Variants in TOR1B observed in about 807,000 individuals in gnomAD.
The protein encoded by TOR1B is torsin-1B.
Under a neutral mutation model 29.2 loss-of-function variants are expected in TOR1B, and 14 were observed. The ratio of observed to expected loss-of-function variants is 0.48; its 90% CI spans 0.32 to 0.75. The LOEUF (loss-of-function observed/expected upper bound fraction) is 0.75. TOR1B is among the 30% of genes least tolerant of loss of function. The probability of loss-of-function intolerance (pLI) is 0.04; values close to 1 mark genes in which losing one functional copy is unlikely to be tolerated. For synonymous variants in TOR1B, 166 were observed against 179.8 expected (o/e 0.92, Z 0.62); for missense variants, 400 against 433.9 (o/e 0.92, Z 0.69).
chr9:129,803,396 C>G lies in TOR1B; in HGVS notation c.184C>G (p.Pro62Ala). ...CGCCGAGTGCTGCCGCGAGGAGCGGCCGCTCAACGCTTCGGGTACGGCGCG... is the reference window on the plus strand; with the variant it reads ...CGCCGAGTGCTGCCGCGAGGAGCGGGCGCTCAACGCTTCGGGTACGGCGCG... ...RFAECCREER[P>A]LNASALKLDL... The change falls in exon 1 of 5, where the codon CCG (proline) becomes GCG (alanine). Residue 62 changes from proline (P) to alanine (A), a missense_variant. By Grantham distance (27) the Pro-to-Ala change is conservative. Coordinates refer to ENST00000259339, the MANE Select transcript of TOR1B (RefSeq NM_014506.3). The G allele has an allele frequency of 6.5e-7, 1 of 1,545,414 alleles. No homozygotes were observed. Among genetic ancestry groups the G allele is most frequent in the Non-Finnish European group, 8.7e-7 (1 of 1,149,514 alleles).
In TOR1B at chr9:129,803,550, G is replaced by A. The variant is rs1447799222; in HGVS notation, c.199+139G>A. The A allele has an allele frequency of 1.1e-5, 11 of 1,017,314 alleles. No homozygotes were observed. The East Asian group carries it at 2.6e-4, about 24-fold the overall frequency. The allele number at this position is 1,017,314 out of a possible 1,614,324, so 63.0% of individuals were successfully genotyped here. A position where few individuals can be genotyped will look rare whatever the true frequency, so the allele number is the denominator to read the frequency against. On this transcript the variant is annotated intron_variant, in intron 1 of 4. Transcript: ENST00000259339. ...GGCGGTGGTCCCAGCTGGGGTGGGC[G>A]GGGAGCGGATGGGGCGGCCCCGGAA...
chr9:129,803,983 G>A (rs1027781249), intron 1 of TOR1B, 90 bp from the exon 2 acceptor site: 2 of 1,545,764 alleles, frequency 1.3e-6, no homozygotes, highest in Non-Finnish European at 1.8e-6. Flanking sequence ...GATAATCTGT[G>A]CTTCTTGCTT....
Position 129,804,072 on chromosome 9 carries a change from G to C in TOR1B, c.200-1G>C. ...TCTTTGTTCTGGGGCTGTTCTTGCA[G>C]CTCTCAAGCTGGATTTGGAGGAGAA... On this transcript the variant is annotated splice_acceptor_variant, in intron 1 of 4. Transcript: ENST00000259339. LOFTEE classifies it high-confidence loss of function. 6.2e-7 allele frequency: 1 copy of C among 1,613,942 alleles called. No individual in the cohort carries two copies. The highest frequency in any genetic ancestry group is 2.2e-5 in the East Asian group (1 of 44,886).
chr9:129,803,195 C>T lies in TOR1B; in HGVS notation c.-18C>T, dbSNP rs750988877. 4 of 1,443,690 alleles carry T rather than the reference C, an allele frequency of 2.8e-6. No homozygotes were observed. In the South Asian group the frequency reaches 4.3e-5, roughly 16 times the overall value. The allele number at this position is 1,443,690 out of a possible 1,614,324, so 89.4% of individuals were successfully genotyped here. A position where few individuals can be genotyped will look rare whatever the true frequency, so the allele number is the denominator to read the frequency against. On this transcript the variant is annotated 5_prime_UTR_variant, in exon 1 of 5. Coordinates refer to ENST00000259339, the MANE Select transcript of TOR1B (RefSeq NM_014506.3). ...GGGGCGCCTGGCTCAGTGGCTTCTG[C>T]GGGCTTCGAGGAGCGGGATGTTGCG...
intron 1 of TOR1B, among the ~76,000 whole-genome samples, chr9:129,803,871 T>G (rs968236180): frequency 1.3e-5 from 2 of 152,208 alleles, no homozygotes; most frequent in Admixed American, 6.5e-5. Context: ...TTTAGCTTCC[T>G]TATCAGACCC....
In TOR1B at chr9:129,809,635, G is replaced by T; in HGVS notation, c.*52G>T. 6.2e-7 allele frequency: 1 copy of T among 1,603,940 alleles called. No individual in the cohort carries two copies. The highest frequency in any genetic ancestry group is 8.5e-7 in the Non-Finnish European group (1 of 1,173,930). On this transcript the variant is annotated 3_prime_UTR_variant, in exon 5 of 5. Transcript: ENST00000259339. ...AGCTGGGAGGCTCCGCACGCCAGAGGCCTTGCCTTTCAGAAGAACCCTGAA... is the reference window on the plus strand; with the variant it reads ...AGCTGGGAGGCTCCGCACGCCAGAGTCCTTGCCTTTCAGAAGAACCCTGAA...
intron 1 of TOR1B, among the ~76,000 whole-genome samples, chr9:129,803,654 T>A (rs1009081383): frequency 6.6e-6 from 1 of 152,178 alleles, no homozygotes; most frequent in African/African-American, 2.4e-5. Flanking sequence ...TTTCTAAAGC[T>A]CCCGTTCCTT....
At chr9:129,806,004 C>G (rs1037508362) in intron 2 of TOR1B, among the ~76,000 whole-genome samples, 5 of 151,804 alleles carry the variant, frequency 3.3e-5, no homozygotes, top group Non-Finnish European at 7.4e-5. Flanking sequence ...ACCTGTAGTC[C>G]CAGCTACTTG....
chr9:129,809,061 T>C (rs555780549), intron 4 of TOR1B, 29 bp downstream of exon 4: 3 of 1,586,866 alleles, frequency 1.9e-6, no homozygotes, highest in Non-Finnish European at 2.6e-6. Context: ...AGGAGCCCCT[T>C]AACTGTCCAG....
intron 4 of TOR1B, 33 bp downstream of exon 4, chr9:129,809,065 T>G: frequency 6.4e-7 from 1 of 1,572,040 alleles, no homozygotes; most frequent in Non-Finnish European, 8.6e-7. Flanking sequence ...GCCCCTTAAC[T>G]GTCCAGCAGT....
intron 3 of TOR1B, among the ~76,000 whole-genome samples, chr9:129,808,541 G>A (rs1233454582): frequency 2.5e-5 from 3 of 120,654 alleles, no homozygotes; most frequent in Non-Finnish European, 5.1e-5. Flanking sequence ...AGACACAGAA[G>A]TCTTTTTTTT....
In TOR1B at chr9:129,807,448, G is replaced by C. The variant is rs1276523589; in HGVS notation, c.641+85G>C. On this transcript the variant is annotated intron_variant, in intron 3 of 4. Coordinates refer to ENST00000259339, the MANE Select transcript of TOR1B (RefSeq NM_014506.3). The stretch of plus-strand genomic sequence containing the variant: ...AGGTCCTGAGGACCATCAGCACTTT[G>C]TTTACCAGGACGAAAGTGCCTGCTT... The C allele has an allele frequency of 3.3e-6, 5 of 1,533,348 alleles. No homozygotes were observed. In the East Asian group the frequency reaches 1.1e-4, roughly 35 times the overall value. The allele number at this position is 1,533,348 out of a possible 1,614,324, so 95.0% of individuals were successfully genotyped here. A position where few individuals can be genotyped will look rare whatever the true frequency, so the allele number is the denominator to read the frequency against.
Position 129,803,281 on chromosome 9 carries a change from G to A in TOR1B, c.69G>A (p.Ala23=). Reference sequence around the variant, plus strand: ...TGCTGCTGGCGGCCCGAGTGGTGGCGGCGTTCGAGCCCATCACCGTGGGCC... The same window carrying A: ...TGCTGCTGGCGGCCCGAGTGGTGGCAGCGTTCGAGCCCATCACCGTGGGCC... ...LALLLAARVV[A]AFEPITVGLA... Residue 23 remains alanine (A), a synonymous_variant, in exon 1 of 5, where the codon GCG becomes GCA. Transcript: ENST00000259339. 6.4e-7 allele frequency: 1 copy of A among 1,571,416 alleles called. No individual in the cohort carries two copies. The highest frequency in any genetic ancestry group is 8.6e-7 in the Non-Finnish European group (1 of 1,163,604).
rs931078312 is a variant in TOR1B at position 129,809,183 on chromosome 9, C to T, written c.769+151C>T. The stretch of plus-strand genomic sequence containing the variant: ...TCTTAGGGCATACTGTGCTAGAAAC[C>T]AGTGAGTGAGTGTCCAGCTGAGTCC... On this transcript the variant is annotated intron_variant, in intron 4 of 4. Coordinates refer to ENST00000259339, the MANE Select transcript of TOR1B (RefSeq NM_014506.3). The T allele has an allele frequency of 9.3e-6, 14 of 1,513,208 alleles. No homozygotes were observed. In the Admixed American group the frequency reaches 2.9e-4, roughly 31 times the overall value. 93.7% of individuals were successfully genotyped at this position (1,513,208 alleles called of 1,614,324 possible).
rs780543185 is a variant in TOR1B, at chr9:129,803,211, G to A, written c.-2G>A. 1 of 1,482,460 alleles carries A rather than the reference G, an allele frequency of 6.7e-7. No homozygotes were observed. The highest frequency in any genetic ancestry group is 1.3e-5 in the South Asian group (1 of 74,926). 91.8% of individuals were successfully genotyped at this position (1,482,460 alleles called of 1,614,324 possible). On this transcript the variant is annotated 5_prime_UTR_variant, in exon 1 of 5. Coordinates refer to ENST00000259339, the MANE Select transcript of TOR1B (RefSeq NM_014506.3). ...TGGCTTCTGCGGGCTTCGAGGAGCG[G>A]GATGTTGCGGGCTGGGTGGCTCCGG... is the stretch of plus-strand genomic sequence containing the variant.
At position 129,809,664 on chromosome 9, in the gene TOR1B, C is replaced by A. The variant is rs1236486372; in HGVS notation, c.*81C>A. 5.1e-6 allele frequency: 8 copies of A among 1,574,226 alleles called. No individual in the cohort carries two copies. The highest frequency in any genetic ancestry group is 4.3e-6 in the Non-Finnish European group (5 of 1,162,472). ...TGCCTTTCAGAAGAACCCTGAAGAC[C>A]GCTTTGGGGTTTTGCCTGTTTGCAC... On this transcript the variant is annotated 3_prime_UTR_variant, in exon 5 of 5. Coordinates refer to ENST00000259339, the MANE Select transcript of TOR1B (RefSeq NM_014506.3).
At chr9:129,805,642 G>A (rs1034031758) in intron 2 of TOR1B, among the ~76,000 whole-genome samples, 2 of 152,230 alleles carry the variant, frequency 1.3e-5, no homozygotes, top group African/African-American at 4.8e-5. Context: ...TTGCTCCGGT[G>A]TGGCTTCATT....
At position 129,804,066 on chromosome 9, in the gene TOR1B, C is replaced by T; in HGVS notation, c.200-7C>T. The T allele has an allele frequency of 6.2e-7, 1 of 1,613,812 alleles. No homozygotes were observed. Among genetic ancestry groups the T allele is most frequent in the Middle Eastern group, 1.7e-4 (1 of 6,058 alleles). On this transcript the variant is annotated splice_region_variant and splice_polypyrimidine_tract_variant and intron_variant, in intron 1 of 4. Transcript: ENST00000259339. ...TTTCTCTCTTTGTTCTGGGGCTGTT[C>T]TTGCAGCTCTCAAGCTGGATTTGGA... is the stretch of plus-strand genomic sequence containing the variant.
In TOR1B at chr9:129,804,262, G is replaced by T. The variant is rs1173862832; in HGVS notation, c.389G>T (p.Gly130Val). The stretch of plus-strand genomic sequence containing the variant: ...GTGGCTGAAAATCTTCACCCAAAAG[G>T]TCTGAAGAGTAACTTTGTCCACCTG... ...QIVAENLHPK[G>V]LKSNFVHLFV... Residue 130 changes from glycine (G) to valine (V), a missense_variant, in exon 2 of 5, where the codon GGT (glycine) becomes GTT (valine). Coordinates refer to ENST00000259339, the MANE Select transcript of TOR1B (RefSeq NM_014506.3). 1.2e-6 allele frequency: 2 copies of T among 1,614,056 alleles called. No homozygotes were observed. Among genetic ancestry groups the T allele is most frequent in the Non-Finnish European group, 1.7e-6 (2 of 1,180,034 alleles).
Sources: gnomAD v4.1 joint callset for allele counts (sites outside exome capture counted in the v4.1 genomes callset) on GRCh38, gnomAD v4.1.1 for gene constraint, MANE v1.5 for transcripts, NCBI Gene and HGNC (gene_info 2026-07-23, HGNC 2026-07-21) for gene names.